The following RALYL variants were observed in gnomAD, a reference collection of about 807,000 sequenced individuals.
RALYL encodes the protein RALY RNA binding protein like.
Under a neutral mutation model 35.1 loss-of-function variants are expected in RALYL, and 29 were observed. That is an observed-to-expected ratio of 0.83 (90% CI 0.61 to 1.13). The LOEUF (loss-of-function observed/expected upper bound fraction) is 1.13, where lower values mean the gene tolerates loss of function less well. RALYL is among the 50% of genes most tolerant of loss of function. The pLI, the probability that RALYL is intolerant of heterozygous loss-of-function variation, is 0.00. For missense variants in RALYL, 359 were observed against 360.4 expected (o/e 1.00, Z 0.03); for synonymous variants, 120 against 127.6 (o/e 0.94, Z 0.40).
chr8:84,276,655 T>C (rs772998383), intron 1 of RALYL, among the ~76,000 whole-genome samples: 8 of 152,086 alleles, frequency 5.3e-5, no homozygotes, highest in Non-Finnish European at 8.8e-5. Context: ...TATAAGCAGA[T>C]AACAGTGAGA....
intron 4 of RALYL, chr8:84,829,335 A>T (rs978784243): frequency 1.3e-5 from 2 of 152,462 alleles, no homozygotes; most frequent in Non-Finnish European, 2.9e-5. Flanking sequence ...CAGCCAAACC[A>T]TATCATCAGT....
intron 4 of RALYL, among the ~76,000 whole-genome samples, chr8:84,832,463 A>G (rs1831118804): frequency 6.6e-6 from 1 of 152,142 alleles, no homozygotes; most frequent in African/African-American, 2.4e-5. Flanking sequence ...TGAGGCAAGT[A>G]TTCACTGTGT....
chr8:84,233,157 T>C (rs1825755099), intron 1 of RALYL, among the ~76,000 whole-genome samples: 1 of 151,838 alleles, frequency 6.6e-6, no homozygotes, highest in South Asian at 2.1e-4. Context: ...TAATTTTTAT[T>C]GTTTTTTTGT....
intron 1 of RALYL, among the ~76,000 whole-genome samples, chr8:84,471,246 A>T (rs1175840457): frequency 6.6e-6 from 1 of 152,120 alleles, no homozygotes. Context: ...AGGTTTTTAA[A>T]ATTAGCTCTT....
intron 1 of RALYL, among the ~76,000 whole-genome samples, chr8:84,360,309 C>T (rs555508221): frequency 6.6e-6 from 1 of 152,280 alleles, no homozygotes; most frequent in East Asian, 1.9e-4. Context: ...ATAGTTGATG[C>T]TAAGTAAGCA....
At position 84,811,283 on chromosome 8, in the gene RALYL, C is replaced by T. The variant is rs572866570; in HGVS notation, c.365+6481C>T. ...TTCCTTTATATATGATGCTTAGTTT[C>T]GCTGGATACAAAATTCTTGAATGAT... On this transcript the variant is annotated intron_variant, in intron 4 of 8. Coordinates refer to ENST00000521268, the MANE Select transcript of RALYL (RefSeq NM_173848.7). Among the ~76,000 whole-genome samples the T allele has an allele frequency of 2.1e-4, 32 of 152,130 alleles. 1 individual carries two copies. The South Asian group carries it at 6.2e-3, about 30-fold the overall frequency.
intron 2 of RALYL, among the ~76,000 whole-genome samples, chr8:84,620,652 T>C (rs1821129197): frequency 6.6e-6 from 1 of 152,198 alleles, no homozygotes; most frequent in South Asian, 2.1e-4. Flanking sequence ...TGCATTCCTT[T>C]GGAGGAGGAG....
intron 2 of RALYL, among the ~76,000 whole-genome samples, chr8:84,548,026 A>T (rs2060477652): frequency 6.6e-6 from 1 of 152,112 alleles, no homozygotes; most frequent in Admixed American, 6.5e-5. Context: ...CAGGTTAAAA[A>T]TGTGTTCCCT....
chr8:84,463,877 A>G (rs918851587), intron 1 of RALYL, among the ~76,000 whole-genome samples: 1 of 151,952 alleles, frequency 6.6e-6, no homozygotes, highest in Non-Finnish European at 1.5e-5. Context: ...CCATCACCCC[A>G]TATATTTCCA....
At chr8:84,486,370 T>A (rs2054630051) in intron 1 of RALYL, among the ~76,000 whole-genome samples, 1 of 150,940 alleles carries the variant, frequency 6.6e-6, no homozygotes, top group Non-Finnish European at 1.5e-5. Context: ...TATTTATACT[T>A]TTTTGAAAAA....
chr8:84,641,808 ACT>A (rs1400785285), intron 2 of RALYL, among the ~76,000 whole-genome samples: 2 of 150,576 alleles, frequency 1.3e-5, no homozygotes, highest in East Asian at 3.9e-4. Context: ...AAAAAAAAAA[ACT>A]CATATACACA....
At chr8:84,258,044 G>A (rs530848216) in intron 1 of RALYL, among the ~76,000 whole-genome samples, 2 of 152,116 alleles carry the variant, frequency 1.3e-5, no homozygotes, top group African/African-American at 4.8e-5. Context: ...AATTCTAGAA[G>A]ATATCTAGAC....
intron 2 of RALYL, chr8:84,679,638 A>G: frequency 2.1e-6 from 1 of 480,432 alleles, no homozygotes; most frequent in South Asian, 1.6e-5. Context: ...CAGTTTGATG[A>G]TGGTGCTGGA....
chr8:84,811,393 T>C (rs1364316939), intron 4 of RALYL, among the ~76,000 whole-genome samples: 1 of 152,198 alleles, frequency 6.6e-6, no homozygotes, highest in African/African-American at 2.4e-5. Context: ...GCTGTTAATC[T>C]GATAGGTTTT....
At chr8:84,571,406 G>T (rs1031997458) in intron 2 of RALYL, among the ~76,000 whole-genome samples, 1 of 151,652 alleles carries the variant, frequency 6.6e-6, no homozygotes, top group African/African-American at 2.4e-5. Flanking sequence ...GCAAATAGGG[G>T]TGTTCATAGT....
chr8:84,580,581 G>A (rs764875931), intron 2 of RALYL, among the ~76,000 whole-genome samples: 5 of 152,126 alleles, frequency 3.3e-5, no homozygotes, highest in Non-Finnish European at 5.9e-5. Flanking sequence ...ATTAGGTCCC[G>A]CCTGCAACAT....
intron 2 of RALYL, among the ~76,000 whole-genome samples, chr8:84,569,040 T>C (rs1318661027): frequency 3.3e-5 from 5 of 149,930 alleles, no homozygotes; most frequent in African/African-American, 4.9e-5. Context: ...GTGCAGAAGC[T>C]CTTTAGTTTA....
chr8:84,400,121 G>GAAA (rs561838543), intron 1 of RALYL, among the ~76,000 whole-genome samples: 1 of 147,752 alleles, frequency 6.8e-6, no homozygotes, highest in Non-Finnish European at 1.5e-5. Context: ...GTCTCAAAAA[G>GAAA]AAAAAAAAAA....
At chr8:84,819,795 T>A (rs1477778149) in intron 4 of RALYL, among the ~76,000 whole-genome samples, 4 of 152,232 alleles carry the variant, frequency 2.6e-5, no homozygotes, top group Non-Finnish European at 5.9e-5. Context: ...TTTATTTAAG[T>A]TCTGCTTATA....
Sources: allele counts gnomAD v4.1 joint callset (sites outside exome capture counted in the v4.1 genomes callset), GRCh38; gene constraint gnomAD v4.1.1; transcripts MANE v1.5; gene names NCBI Gene and HGNC (gene_info 2026-07-23, HGNC 2026-07-21).